GABRB1: variants seen among roughly 807,000 people sequenced by gnomAD.
The protein encoded by GABRB1 is gamma-aminobutyric acid type A receptor subunit beta1.
GABRB1 carries 17 observed loss-of-function variants against 51.6 expected under a neutral mutation model. The observed-to-expected ratio is 0.33, with a 90% CI of 0.23 to 0.49. GABRB1 has a LOEUF of 0.49. GABRB1 is among the 20% of genes least tolerant of loss of function. GABRB1 has a pLI of 0.99. For synonymous variants in GABRB1, 247 were observed against 218.9 expected (o/e 1.13, Z -1.14); for missense variants, 410 against 600.6 (o/e 0.68, Z 3.32).
intron 4 of GABRB1, among the ~76,000 whole-genome samples, chr4:47,278,494 G>T (rs1383994928): frequency 6.6e-6 from 1 of 152,144 alleles, no homozygotes; most frequent in East Asian, 1.9e-4. Context: ...AACTCCACTT[G>T]TTCCTAGACA....
chr4:47,089,758 A>G (rs1377962308), intron 3 of GABRB1, among the ~76,000 whole-genome samples: 1 of 152,180 alleles, frequency 6.6e-6, no homozygotes, highest in Admixed American at 6.5e-5. Flanking sequence ...TAATTAATAT[A>G]TATGCCATGG....
Position 47,339,674 on chromosome 4 carries a change from G to A in GABRB1, c.544+19465G>A, listed in dbSNP as rs184847872. On this transcript the variant is annotated intron_variant, in intron 5 of 8. Coordinates refer to ENST00000295454, the MANE Select transcript of GABRB1 (RefSeq NM_000812.4). ...GATGGAGTCACCAAGCCCAGGAGAAGTTAAATGAATTCACCAAATACATAC... is the reference window on the plus strand; with the variant it reads ...GATGGAGTCACCAAGCCCAGGAGAAATTAAATGAATTCACCAAATACATAC... Among the ~76,000 whole-genome samples the A allele has an allele frequency of 3.3e-5, 5 of 152,088 alleles. No individual in the cohort carries two copies. In the East Asian group the frequency reaches 9.7e-4, roughly 29 times the overall value.
chr4:46,996,729 T>C (rs1364153910), intron 1 of GABRB1, among the ~76,000 whole-genome samples: 1 of 152,210 alleles, frequency 6.6e-6, no homozygotes, highest in Admixed American at 6.5e-5. Flanking sequence ...GACTGTCATG[T>C]AGATTGTAAG....
intron 4 of GABRB1, among the ~76,000 whole-genome samples, chr4:47,181,261 T>C (rs1423269296): frequency 6.6e-6 from 1 of 152,062 alleles, no homozygotes; most frequent in Admixed American, 6.6e-5. Context: ...TTCAACTTAA[T>C]GTTTGTTTTA....
intron 5 of GABRB1, among the ~76,000 whole-genome samples, chr4:47,336,990 A>G (rs1048640668): frequency 6.6e-6 from 1 of 152,236 alleles, no homozygotes; most frequent in Non-Finnish European, 1.5e-5. Context: ...TATTGGATTC[A>G]CAAAGAACTA....
intron 5 of GABRB1, among the ~76,000 whole-genome samples, chr4:47,327,775 A>G (rs1440549453): frequency 6.6e-6 from 1 of 152,228 alleles, no homozygotes; most frequent in Non-Finnish European, 1.5e-5. Context: ...CAATAGTCAT[A>G]TTTAATTATT....
At chr4:47,390,089 C>T (rs147975991) in intron 5 of GABRB1, among the ~76,000 whole-genome samples, 5 of 152,296 alleles carry the variant, frequency 3.3e-5, no homozygotes, top group South Asian at 2.1e-4. Context: ...ACCTTTCCTC[C>T]GACTATTGAA....
chr4:47,299,085 A>C (rs572456716), intron 4 of GABRB1, among the ~76,000 whole-genome samples: 172 of 151,544 alleles, frequency 1.1e-3, no homozygotes, highest in African/African-American at 3.8e-3. Context: ...TACAAAAATT[A>C]ATTCAAGATG....
chr4:47,396,248 T>C (rs983153649), intron 5 of GABRB1, among the ~76,000 whole-genome samples: 5 of 151,992 alleles, frequency 3.3e-5, no homozygotes, highest in African/African-American at 1.2e-4. Flanking sequence ...GAAATGAGTT[T>C]CCCCTTATCA....
At chr4:47,035,272 T>G (rs1725499474) in intron 3 of GABRB1, among the ~76,000 whole-genome samples, 1 of 152,112 alleles carries the variant, frequency 6.6e-6, no homozygotes, top group South Asian at 2.1e-4. Flanking sequence ...TATTATCTGA[T>G]TTCTTAATTT....
In GABRB1 at chr4:47,425,132, G is replaced by A. The variant is rs370918274; in HGVS notation, c.1081-542G>A. On this transcript the variant is annotated intron_variant, in intron 8 of 8. Transcript: ENST00000295454. ...TATTCATGTAAGCTATTAATAAAGC[G>A]TGTCACAGAGGAATATTTATTAACA... Among the ~76,000 whole-genome samples the A allele has an allele frequency of 9.9e-5, 15 of 152,100 alleles. No homozygotes were observed. In the South Asian group the frequency reaches 2.3e-3, roughly 23 times the overall value.
chr4:47,205,837 T>C (rs1347856296), intron 4 of GABRB1, among the ~76,000 whole-genome samples: 11 of 152,126 alleles, frequency 7.2e-5, no homozygotes, highest in African/African-American at 2.7e-4. Flanking sequence ...AAAATTTTGC[T>C]AAATACGGTA....
chr4:47,415,235 G>A (rs1362734199), intron 8 of GABRB1, among the ~76,000 whole-genome samples: 1 of 152,164 alleles, frequency 6.6e-6, no homozygotes, highest in African/African-American at 2.4e-5. Context: ...GAGGGAGAGG[G>A]ATTTATTGGC....
chr4:47,243,054 ATT>A (rs1721594988), intron 4 of GABRB1, among the ~76,000 whole-genome samples: 2 of 152,152 alleles, frequency 1.3e-5, no homozygotes, highest in Non-Finnish European at 2.9e-5. Flanking sequence ...TCTTGAATTA[ATT>A]TTTGTATCAG....
chr4:47,160,599 T>G (rs1717900502), intron 3 of GABRB1, among the ~76,000 whole-genome samples: 1 of 152,128 alleles, frequency 6.6e-6, no homozygotes, highest in Non-Finnish European at 1.5e-5. Flanking sequence ...GAGGTCAATG[T>G]TTGTGAACAT....
intron 5 of GABRB1, among the ~76,000 whole-genome samples, chr4:47,379,763 A>G (rs1453968490): frequency 1.3e-5 from 2 of 152,216 alleles, no homozygotes; most frequent in Non-Finnish European, 2.9e-5. Context: ...GTCTGAAACT[A>G]AAAGTATGAA....
intron 4 of GABRB1, among the ~76,000 whole-genome samples, chr4:47,223,158 A>C (rs926572486): frequency 1.3e-5 from 2 of 152,102 alleles, no homozygotes; most frequent in Non-Finnish European, 2.9e-5. Flanking sequence ...TTTTCATGAG[A>C]AACAGTGCCC....
intron 5 of GABRB1, among the ~76,000 whole-genome samples, chr4:47,371,623 T>C (rs911516957): frequency 3.3e-5 from 5 of 152,180 alleles, no homozygotes; most frequent in African/African-American, 9.7e-5. Context: ...TTTTAATAAT[T>C]GCCATTCTGA....
At chr4:47,227,107 G>C (rs1195711368) in intron 4 of GABRB1, among the ~76,000 whole-genome samples, 1 of 152,122 alleles carries the variant, frequency 6.6e-6, no homozygotes, top group Non-Finnish European at 1.5e-5. Flanking sequence ...AATGCCGCAG[G>C]TGCCTTTTCC....
Sources: allele counts gnomAD v4.1 joint callset (sites outside exome capture counted in the v4.1 genomes callset), GRCh38; gene constraint gnomAD v4.1.1; transcripts MANE v1.5; gene names NCBI Gene and HGNC (gene_info 2026-07-23, HGNC 2026-07-21).